Variants in WDR25 observed in about 807,000 individuals in gnomAD.
The protein encoded by WDR25 is WD repeat-containing protein 25.
In WDR25, 35 loss-of-function variants were observed where a neutral mutation model predicts 47.7. The ratio of observed to expected loss-of-function variants is 0.73; its 90% CI spans 0.56 to 0.97. The LOEUF is 0.97. Ranked by LOEUF, WDR25 falls within the 50% of genes least tolerant of loss-of-function variation. WDR25 has a pLI of 0.00. For synonymous variants in WDR25, 248 were observed against 278.9 expected (o/e 0.89, Z 1.10); for missense variants, 634 against 704.7 (o/e 0.90, Z 1.14).
intron 3 of WDR25, among the ~76,000 whole-genome samples, chr14:100,469,110 T>G (rs1364256283): frequency 6.6e-6 from 1 of 152,078 alleles, no homozygotes; most frequent in East Asian, 1.9e-4. Flanking sequence ...GGGGCTCCCC[T>G]TGAACCCTCA....
intron 2 of WDR25, among the ~76,000 whole-genome samples, chr14:100,389,693 A>G (rs1897096034): frequency 6.6e-6 from 1 of 152,218 alleles, no homozygotes; most frequent in African/African-American, 2.4e-5. Flanking sequence ...TTGATCTTCT[A>G]CGTGGAATAC....
At chr14:100,380,618 C>T (rs1166485661) in intron 1 of WDR25, among the ~76,000 whole-genome samples, 2 of 151,992 alleles carry the variant, frequency 1.3e-5, no homozygotes, top group African/African-American at 4.8e-5. Flanking sequence ...CTCAGCCTCC[C>T]GAGTAGCTGG....
At chr14:100,463,406 A>C (rs1056592104) in intron 2 of WDR25, among the ~76,000 whole-genome samples, 1 of 151,940 alleles carries the variant, frequency 6.6e-6, no homozygotes, top group Non-Finnish European at 1.5e-5. Context: ...TCTCTTCTCT[A>C]CGCTTCCAGG....
At chr14:100,478,258 T>G (rs1159285333) in intron 3 of WDR25, among the ~76,000 whole-genome samples, 1 of 152,240 alleles carries the variant, frequency 6.6e-6, no homozygotes, top group Non-Finnish European at 1.5e-5. Context: ...GAAGGCTTCA[T>G]GCACCGCGTT....
At chr14:100,491,505 T>C (rs1900564600) in intron 4 of WDR25, among the ~76,000 whole-genome samples, 1 of 152,212 alleles carries the variant, frequency 6.6e-6, no homozygotes, top group East Asian at 1.9e-4. Flanking sequence ...TTCAGTACAA[T>C]CACATGCTGT....
chr14:100,436,633 G>A lies in WDR25; in HGVS notation c.823-31388G>A, dbSNP rs146899277. ...CAGGTAGCCTCTGAGTCAGGTGTTC[G>A]GTGTCTCTTGGGTCGTGGAGGACTC... On this transcript the variant is annotated intron_variant, in intron 2 of 6. Coordinates refer to ENST00000402312, the MANE Select transcript of WDR25 (RefSeq NM_001161476.3). Among the ~76,000 whole-genome samples the A allele has an allele frequency of 1.5e-3, 230 of 152,242 alleles. 1 individual carries two copies. Among genetic ancestry groups the A allele is most frequent in the African/African-American group, 5.2e-3 (216 of 41,548 alleles).
At chr14:100,408,511 C>T (rs1047268193) in intron 2 of WDR25, among the ~76,000 whole-genome samples, 4 of 152,104 alleles carry the variant, frequency 2.6e-5, no homozygotes, top group Non-Finnish European at 2.9e-5. Flanking sequence ...TTCCCTCCAG[C>T]GCCCCCTCTG....
intron 2 of WDR25, among the ~76,000 whole-genome samples, chr14:100,464,081 C>T (rs894137946): frequency 1.5e-4 from 23 of 152,186 alleles, no homozygotes; most frequent in African/African-American, 5.5e-4. Flanking sequence ...CCCTGGGATG[C>T]CCCAACGGCT....
At chr14:100,528,435 C>CT (rs66881970) in intron 5 of WDR25, among the ~76,000 whole-genome samples, 63,365 of 130,956 alleles carry the variant, frequency 0.48, 16,760 homozygotes, top group African/African-American at 0.68. Context: ...TTCTTTCTTT[C>CT]TTTTTTTTTT....
chr14:100,386,659 C>T (rs920543875), intron 2 of WDR25, among the ~76,000 whole-genome samples: 1 of 151,832 alleles, frequency 6.6e-6, no homozygotes, highest in Non-Finnish European at 1.5e-5. Flanking sequence ...TTTGGGAGGC[C>T]GAGGCAGGCG....
At chr14:100,391,313 C>T (rs972124455) in intron 2 of WDR25, among the ~76,000 whole-genome samples, 12 of 152,106 alleles carry the variant, frequency 7.9e-5, no homozygotes, top group Non-Finnish European at 1.8e-4. Flanking sequence ...CCGAGGCAGG[C>T]CCTGCGCCAC....
Position 100,506,026 on chromosome 14 carries a change from G to A in WDR25, c.1102-19844G>A, listed in dbSNP as rs1901098362. 2.0e-5 allele frequency among the ~76,000 whole-genome samples: 3 copies of A among 152,106 alleles called. No homozygotes were observed. The highest frequency in any genetic ancestry group is 4.4e-5 in the Non-Finnish European group (3 of 68,020). On this transcript the variant is annotated intron_variant, in intron 4 of 6. Transcript: ENST00000402312. This position sits in a 1 kb window ranked among gnomAD's most constrained non-coding sequence, Gnocchi z 4.8. ...ATTGATCCCTTCACCCAGTTACTGA[G>A]CATAGTACTCAACAGTTAGTTTTTC...
chr14:100,464,527 T>C (rs1899535736), intron 2 of WDR25, among the ~76,000 whole-genome samples: 1 of 152,172 alleles, frequency 6.6e-6, no homozygotes, highest in African/African-American at 2.4e-5. Context: ...GAAATCTTTG[T>C]TGAATGAATG....
rs1379902825 is a variant in WDR25, at chr14:100,450,063, T to C, written c.823-17958T>C. Reference sequence around the variant, plus strand: ...TGTCTCCTTGTGTTATTCTGGCCTTTCCTATAGCAGCTGGTATGCTCTTTA... The same window carrying C: ...TGTCTCCTTGTGTTATTCTGGCCTTCCCTATAGCAGCTGGTATGCTCTTTA... On this transcript the variant is annotated intron_variant, in intron 2 of 6. Transcript: ENST00000402312. Among the ~76,000 whole-genome samples the C allele has an allele frequency of 2.0e-5, 3 of 152,360 alleles. No individual in the cohort carries two copies. In the Middle Eastern group the frequency reaches 0.01, roughly 518 times the overall value.
intron 2 of WDR25, among the ~76,000 whole-genome samples, chr14:100,460,334 G>C (rs914011099): frequency 1.4e-4 from 22 of 152,100 alleles, no homozygotes; most frequent in African/African-American, 5.3e-4. Flanking sequence ...GGATGGTCTT[G>C]ATCTCCTGAC....
intron 2 of WDR25, among the ~76,000 whole-genome samples, 184 bp from the exon 3 acceptor site, chr14:100,467,837 A>G (rs938297478): frequency 6.6e-6 from 1 of 152,066 alleles, no homozygotes; most frequent in Non-Finnish European, 1.5e-5. Context: ...GATCCTCCCA[A>G]CTTACCAATC....
intron 4 of WDR25, among the ~76,000 whole-genome samples, chr14:100,517,642 G>A (rs775127521): frequency 1.3e-5 from 2 of 152,088 alleles, no homozygotes; most frequent in Non-Finnish European, 1.5e-5. Flanking sequence ...TCAGAAGTTC[G>A]AGAGCAGCCT....
intron 2 of WDR25, among the ~76,000 whole-genome samples, chr14:100,389,988 T>C (rs1897105123): frequency 6.6e-6 from 1 of 152,220 alleles, no homozygotes; most frequent in South Asian, 2.1e-4. Flanking sequence ...TTCTCCTCTT[T>C]ATTTCTTGGC....
chr14:100,524,336 G>A (rs1301209852), intron 4 of WDR25, among the ~76,000 whole-genome samples: 1 of 151,942 alleles, frequency 6.6e-6, no homozygotes, highest in Non-Finnish European at 1.5e-5. Context: ...GGCACTCAGC[G>A]AGTGGCAGGG....
Sources: allele counts gnomAD v4.1 joint callset (sites outside exome capture counted in the v4.1 genomes callset), GRCh38; gene constraint gnomAD v4.1.1; non-coding constraint Gnocchi (gnomAD v3.1); transcripts MANE v1.5; gene names NCBI Gene and HGNC (gene_info 2026-07-23, HGNC 2026-07-21).